Variants in DNAJC1 observed in about 807,000 individuals in gnomAD.
The protein encoded by DNAJC1 is DnaJ heat shock protein family (Hsp40) member C1.
Under a neutral mutation model 76.6 loss-of-function variants are expected in DNAJC1, and 58 were observed. That is an observed-to-expected ratio of 0.76 (90% CI 0.61 to 0.94). The LOEUF is 0.94. Ranked by LOEUF, DNAJC1 falls within the 40% of genes least tolerant of loss-of-function variation. The probability of loss-of-function intolerance (pLI) is 0.00; values close to 1 mark genes in which losing one functional copy is unlikely to be tolerated. For missense variants in DNAJC1, 689 were observed against 677.3 expected (o/e 1.02, Z -0.19); for synonymous variants, 258 against 267.9 (o/e 0.96, Z 0.36).
intron 9 of DNAJC1, among the ~76,000 whole-genome samples, chr10:21,778,743 T>G (rs1834485508): frequency 6.6e-6 from 1 of 151,992 alleles, no homozygotes; most frequent in Non-Finnish European, 1.5e-5. Context: ...TGTCAGACAG[T>G]GGGTGCAGGA....
intron 1 of DNAJC1, among the ~76,000 whole-genome samples, chr10:21,998,282 C>G (rs1036548551): frequency 1.2e-4 from 17 of 147,030 alleles, no homozygotes; most frequent in African/African-American, 4.3e-4. Context: ...CCCAGCTACT[C>G]GGGAGGCTGA....
At chr10:21,841,669 T>C (rs1292044430) in intron 8 of DNAJC1, among the ~76,000 whole-genome samples, 2 of 152,174 alleles carry the variant, frequency 1.3e-5, no homozygotes, top group Non-Finnish European at 2.9e-5. Flanking sequence ...TGTAAACTAG[T>C]TCAACCATTG....
intron 7 of DNAJC1, among the ~76,000 whole-genome samples, chr10:21,901,061 G>T (rs1836644746): frequency 1.3e-5 from 2 of 152,142 alleles, no homozygotes; most frequent in South Asian, 4.1e-4. Context: ...ATCCTACAGG[G>T]TGTGTCCCTG....
chr10:21,867,151 A>G (rs1040017375), intron 8 of DNAJC1, among the ~76,000 whole-genome samples: 1 of 152,134 alleles, frequency 6.6e-6, no homozygotes, highest in Non-Finnish European at 1.5e-5. Flanking sequence ...AAGAAAAAAT[A>G]AAACAGTTGA....
chr10:21,930,915 T>G (rs1837211038), intron 1 of DNAJC1, among the ~76,000 whole-genome samples: 1 of 152,220 alleles, frequency 6.6e-6, no homozygotes, highest in African/African-American at 2.4e-5. Context: ...GTATATTTCA[T>G]ACAAAATAAT....
intron 1 of DNAJC1, among the ~76,000 whole-genome samples, chr10:21,978,946 T>C (rs961334073): frequency 6.6e-6 from 1 of 152,058 alleles, no homozygotes; most frequent in African/African-American, 2.4e-5. Flanking sequence ...ACTCAGATTA[T>C]TACAGATTAA....
intron 8 of DNAJC1, among the ~76,000 whole-genome samples, chr10:21,838,007 G>A (rs1223940690): frequency 6.7e-6 from 1 of 149,454 alleles, no homozygotes; most frequent in African/African-American, 2.5e-5. Flanking sequence ...CTGGGAGGTG[G>A]GGGGCGTCTC....
intron 1 of DNAJC1, among the ~76,000 whole-genome samples, chr10:21,931,007 A>G (rs1034097057): frequency 3.9e-5 from 6 of 152,296 alleles, no homozygotes; most frequent in Non-Finnish European, 8.8e-5. Context: ...ACTAATAGTA[A>G]CCTAAGGCAT....
intron 8 of DNAJC1, among the ~76,000 whole-genome samples, chr10:21,809,736 C>CTATATAATT (rs1441424037): frequency 6.6e-6 from 1 of 152,044 alleles, no homozygotes; most frequent in Non-Finnish European, 1.5e-5. Flanking sequence ...CAGTTTTCAG[C>CTATATAATT]TATATAATTT....
Position 21,805,638 on chromosome 10 carries a change from G to C in DNAJC1, c.1098+342C>G, listed in dbSNP as rs138309286. Among the ~76,000 whole-genome samples, 396 of 152,202 alleles carry C rather than the reference G, an allele frequency of 2.6e-3. 7 individuals carry two copies. Among genetic ancestry groups the C allele is most frequent in the Admixed American group, 0.024 (369 of 15,280 alleles). On this transcript the variant is annotated intron_variant, in intron 9 of 11. Transcript: ENST00000376980. ...TGTACTTCAATGTTAAAAAGATCCA[G>C]CTGAAATACAACCCTCCTAATTCTG... is the stretch of plus-strand genomic sequence containing the variant.
chr10:21,837,524 C>T (rs1212659735), intron 8 of DNAJC1, among the ~76,000 whole-genome samples: 2 of 151,878 alleles, frequency 1.3e-5, no homozygotes, highest in Non-Finnish European at 2.9e-5. Context: ...TGCCCCACTG[C>T]CCCGTCTGGG....
intron 8 of DNAJC1, among the ~76,000 whole-genome samples, chr10:21,855,296 T>C (rs532264863): frequency 1.3e-5 from 2 of 152,314 alleles, no homozygotes; most frequent in African/African-American, 2.4e-5. Context: ...TAGTGCCATA[T>C]AATAATTCAT....
At chr10:21,765,467 A>G (rs753754588) in intron 10 of DNAJC1, among the ~76,000 whole-genome samples, 5 of 152,194 alleles carry the variant, frequency 3.3e-5, no homozygotes, top group Non-Finnish European at 7.3e-5. Context: ...AAGTTTCTGA[A>G]GCATGTTCTT....
chr10:21,864,974 T>C (rs531352386), intron 8 of DNAJC1, among the ~76,000 whole-genome samples: 1 of 152,100 alleles, frequency 6.6e-6, no homozygotes, highest in African/African-American at 2.4e-5. Context: ...ATGCTCGGCA[T>C]TATTAATCTT....
At chr10:21,835,618 G>C (rs1329967921) in intron 8 of DNAJC1, among the ~76,000 whole-genome samples, 1 of 152,204 alleles carries the variant, frequency 6.6e-6, no homozygotes, top group African/African-American at 2.4e-5. Flanking sequence ...AACCAATGCA[G>C]TGAAGTCCTT....
At chr10:21,922,568 T>C (rs1369337165) in intron 3 of DNAJC1, among the ~76,000 whole-genome samples, 2 of 152,036 alleles carry the variant, frequency 1.3e-5, no homozygotes, top group African/African-American at 2.4e-5. Flanking sequence ...TTCTTGAATA[T>C]TAACATCAAG....
chr10:21,870,699 T>C (rs535885565), intron 8 of DNAJC1, among the ~76,000 whole-genome samples: 1 of 152,074 alleles, frequency 6.6e-6, no homozygotes, highest in South Asian at 2.1e-4. Context: ...TGCTTGAGCC[T>C]GGGAGTTCAA....
intron 7 of DNAJC1, among the ~76,000 whole-genome samples, chr10:21,885,005 C>T (rs1836346902): frequency 6.6e-6 from 1 of 151,968 alleles, no homozygotes; most frequent in Non-Finnish European, 1.5e-5. Flanking sequence ...GGATCAAATC[C>T]ACACATATCA....
intron 8 of DNAJC1, among the ~76,000 whole-genome samples, chr10:21,864,851 G>A (rs1186959723): frequency 1.3e-5 from 2 of 152,066 alleles, no homozygotes; most frequent in African/African-American, 2.4e-5. Flanking sequence ...AACACAGCAC[G>A]TCTATCTGAT....
Sources: allele counts gnomAD v4.1 joint callset (sites outside exome capture counted in the v4.1 genomes callset), GRCh38; gene constraint gnomAD v4.1.1; transcripts MANE v1.5; gene names NCBI Gene and HGNC (gene_info 2026-07-23, HGNC 2026-07-21).